The following SLC25A26 variants were observed in gnomAD, a reference collection of about 807,000 sequenced individuals.
SLC25A26 encodes the protein mitochondrial S-adenosylmethionine carrier protein.
A neutral mutation model predicts 37.8 loss-of-function variants in SLC25A26; 36 were observed. The ratio of observed to expected loss-of-function variants is 0.95; its 90% CI spans 0.73 to 1.26. SLC25A26 has a LOEUF of 1.26. Ranked by LOEUF, SLC25A26 falls within the 50% of genes most tolerant of loss-of-function variation. The pLI is 0.00. For missense variants in SLC25A26, 390 were observed against 331.1 expected (o/e 1.18, Z -1.38); for synonymous variants, 129 against 122.5 (o/e 1.05, Z -0.35).
At chr3:66,350,015 T>C (rs899244459) in intron 6 of SLC25A26, among the ~76,000 whole-genome samples, 5 of 152,250 alleles carry the variant, frequency 3.3e-5, no homozygotes, top group Admixed American at 6.5e-5. Flanking sequence ...GAACGTACAA[T>C]CACAGTGCTT....
At chr3:66,341,962 T>G (rs1402811006) in intron 5 of SLC25A26, among the ~76,000 whole-genome samples, 1 of 152,154 alleles carries the variant, frequency 6.6e-6, no homozygotes, top group African/African-American at 2.4e-5. Context: ...GACAAGGAAT[T>G]TTTAGGTCTT....
At chr3:66,337,068 C>A (rs116699225) in intron 5 of SLC25A26, among the ~76,000 whole-genome samples, 1 of 152,048 alleles carries the variant, frequency 6.6e-6, no homozygotes, top group African/African-American at 2.4e-5. Flanking sequence ...AGGATGAAAT[C>A]TAAAAGCAAA....
chr3:66,326,091 A>G (rs2075830670), intron 5 of SLC25A26, among the ~76,000 whole-genome samples: 1 of 152,122 alleles, frequency 6.6e-6, no homozygotes, highest in South Asian at 2.1e-4. Context: ...GGATCCACAG[A>G]TTTCTGACAC....
intron 1 of SLC25A26, among the ~76,000 whole-genome samples, chr3:66,207,734 T>G (rs1435603914): frequency 6.6e-6 from 1 of 152,232 alleles, no homozygotes; most frequent in East Asian, 1.9e-4. Context: ...AGTATATATT[T>G]TAGAAATGTA....
chr3:66,220,742 T>C (rs782213227), upstream of SLC25A26: 1 of 386,238 alleles, frequency 2.6e-6, no homozygotes, highest in Non-Finnish European at 4.7e-6. Context: ...GGGTTTACAG[T>C]TCAGAATCAC....
At chr3:66,183,016 C>T (rs1025014195) in intron 1 of SLC25A26, among the ~76,000 whole-genome samples, 4 of 152,022 alleles carry the variant, frequency 2.6e-5, no homozygotes, top group African/African-American at 4.8e-5. Context: ...TGTTGGCTTT[C>T]GGTGCATATA....
intron 3 of SLC25A26, among the ~76,000 whole-genome samples, chr3:66,255,003 G>C (rs995475756): frequency 2.6e-5 from 4 of 152,204 alleles, no homozygotes; most frequent in African/African-American, 9.6e-5. Flanking sequence ...AGGGAACTTG[G>C]CTGTGGCAAT....
At chr3:66,370,492 C>T (rs762160502) in intron 8 of SLC25A26, 37 bp from the exon 9 acceptor site, 2 of 1,559,456 alleles carry the variant, frequency 1.3e-6, no homozygotes, top group Non-Finnish European at 1.8e-6. Context: ...TTGGGAGCTT[C>T]AGAAGATAAC....
At chr3:66,270,471 G>T (rs2073920084) in intron 5 of SLC25A26, among the ~76,000 whole-genome samples, 1 of 152,042 alleles carries the variant, frequency 6.6e-6, no homozygotes, top group Admixed American at 6.6e-5. Flanking sequence ...CATGGGAAAA[G>T]AAAAAAATCC....
intron 5 of SLC25A26, among the ~76,000 whole-genome samples, chr3:66,283,376 G>C (rs900598273): frequency 3.3e-5 from 5 of 152,104 alleles, no homozygotes; most frequent in African/African-American, 1.2e-4. Context: ...TGTTTCCCGG[G>C]CTCAAGTGAT....
At position 66,263,320 on chromosome 3, in the gene SLC25A26, T is replaced by C; in HGVS notation, c.406-12T>C. ...CATTCTTTCTGAACTCTCGGCTGTG[T>C]GTTTGTTTCAGGGTATCCAAGGGTT... is the stretch of plus-strand genomic sequence containing the variant. On this transcript the variant is annotated splice_polypyrimidine_tract_variant and intron_variant, in intron 4 of 9. Transcript: ENST00000354883. 6.2e-7 allele frequency: 1 copy of C among 1,608,880 alleles called. No homozygotes were observed. The highest frequency in any genetic ancestry group is 8.5e-7 in the Non-Finnish European group (1 of 1,176,054).
chr3:66,215,198 T>A (rs2071342683), intron 1 of SLC25A26, among the ~76,000 whole-genome samples: 2 of 152,186 alleles, frequency 1.3e-5, no homozygotes, highest in African/African-American at 4.8e-5. Flanking sequence ...ATTATTAATT[T>A]TAAAATTTAT....
At chr3:66,199,741 C>A (rs2071086206) in intron 1 of SLC25A26, among the ~76,000 whole-genome samples, 1 of 152,044 alleles carries the variant, frequency 6.6e-6, no homozygotes, top group African/African-American at 2.4e-5. Flanking sequence ...TTGATCCTGA[C>A]CCCCAGCTGC....
At chr3:66,325,533 AG>A (rs2075815352) in intron 5 of SLC25A26, among the ~76,000 whole-genome samples, 1 of 152,226 alleles carries the variant, frequency 6.6e-6, no homozygotes, top group Non-Finnish European at 1.5e-5. Context: ...ATGTCTAAGT[AG>A]GACACCTGAT....
chr3:66,321,354 C>T (rs373665719), intron 5 of SLC25A26, among the ~76,000 whole-genome samples: 16 of 152,294 alleles, frequency 1.1e-4, no homozygotes, highest in African/African-American at 3.4e-4. Context: ...CATCTTGGCT[C>T]AGTTGCAGTG....
At chr3:66,320,062 A>T (rs1287372622) in intron 5 of SLC25A26, among the ~76,000 whole-genome samples, 2 of 152,212 alleles carry the variant, frequency 1.3e-5, no homozygotes, top group Non-Finnish European at 2.9e-5. Context: ...AATTGAGACT[A>T]AACTTTGAAT....
At chr3:66,176,204 A>G (rs960530286) in intron 1 of SLC25A26, among the ~76,000 whole-genome samples, 9 of 152,222 alleles carry the variant, frequency 5.9e-5, no homozygotes, top group Non-Finnish European at 1.0e-4. Context: ...GTACAAGAAT[A>G]AGCTACATCT....
At chr3:66,206,290 T>C (rs2071176325) in intron 1 of SLC25A26, among the ~76,000 whole-genome samples, 1 of 152,162 alleles carries the variant, frequency 6.6e-6, no homozygotes, top group East Asian at 1.9e-4. Context: ...AAAATCCTAC[T>C]TTCTCTACCT....
chr3:66,362,131 A>C (rs1472706065), intron 6 of SLC25A26, among the ~76,000 whole-genome samples: 1 of 152,230 alleles, frequency 6.6e-6, no homozygotes, highest in African/African-American at 2.4e-5. Context: ...ACAGTTTGGC[A>C]GTTCTTAAAA....
Sources: gnomAD v4.1 joint callset for allele counts (sites outside exome capture counted in the v4.1 genomes callset) on GRCh38, gnomAD v4.1.1 for gene constraint, MANE v1.5 for transcripts, NCBI Gene and HGNC (gene_info 2026-07-23, HGNC 2026-07-21) for gene names.